SMYD2: variants seen among roughly 807,000 people sequenced by gnomAD.
The protein encoded by SMYD2 is N-lysine methyltransferase SMYD2.
In SMYD2, 53 loss-of-function variants were observed where a neutral mutation model predicts 59.1. That is an observed-to-expected ratio of 0.90 (90% CI 0.72 to 1.13). SMYD2 has a LOEUF of 1.13. Among genes scored for constraint, SMYD2 ranks in the 50% most tolerant of loss-of-function variants. SMYD2 has a pLI of 0.00. For missense variants in SMYD2, 494 were observed against 544.7 expected, an observed-to-expected ratio of 0.91 and a Z score of 0.93; for synonymous variants, 208 against 198.8, an observed-to-expected ratio of 1.05 and a Z score of -0.39.
At chr1:214,323,115 A>G (rs1030051400) in intron 5 of SMYD2, among the ~76,000 whole-genome samples, 1 of 152,084 alleles carries the variant, frequency 6.6e-6, no homozygotes, top group Non-Finnish European at 1.5e-5. Context: ...TTCCTCTCTG[A>G]CTTCAGTTTC....
rs758301716 is a variant in SMYD2, at chr1:214,318,163, C to T, written c.409+24C>T. On this transcript the variant is annotated intron_variant, in intron 4 of 11. Transcript: ENST00000366957. This position sits in a 1 kb window ranked among gnomAD's most constrained non-coding sequence, Gnocchi z 5.4. The stretch of plus-strand genomic sequence containing the variant: ...ACGTAAGTCTTTCTGTGACCAGCCG[C>T]GCAGTTCTCTCAGCCACAGATTTCA... The T allele has an allele frequency of 9.3e-6, 15 of 1,610,508 alleles. No individual in the cohort carries two copies. Among genetic ancestry groups the T allele is most frequent in the African/African-American group, 1.3e-5 (1 of 74,796 alleles).
chr1:214,311,935 G>A (rs1657004122), intron 2 of SMYD2, among the ~76,000 whole-genome samples: 1 of 152,034 alleles, frequency 6.6e-6, no homozygotes, highest in Non-Finnish European at 1.5e-5. Context: ...CAGCTGGTAG[G>A]TCCCCATATC....
At chr1:214,300,453 G>A (rs1468176505) in intron 1 of SMYD2, among the ~76,000 whole-genome samples, 1 of 152,066 alleles carries the variant, frequency 6.6e-6, no homozygotes, top group African/African-American at 2.4e-5. Context: ...GCTCTTCTGT[G>A]CGGATGTTCC....
At position 214,330,328 on chromosome 1, in the gene SMYD2, C is replaced by A. The variant is rs757071387; in HGVS notation, c.816+50C>A. On this transcript the variant is annotated intron_variant, in intron 8 of 11. Coordinates refer to ENST00000366957, the MANE Select transcript of SMYD2 (RefSeq NM_020197.3). ...CGCTGACTGCACTCTGATCTCAGGA[C>A]CTCTCTGCTGAAGAGCTTGTCTGAC... 6 of 1,278,412 alleles carry A rather than the reference C, an allele frequency of 4.7e-6. No individual in the cohort carries two copies. The African/African-American group carries it at 5.9e-5, about 13-fold the overall frequency. The allele number at this position is 1,278,412 out of a possible 1,614,324, so 79.2% of individuals were successfully genotyped here.
intron 1 of SMYD2, among the ~76,000 whole-genome samples, chr1:214,294,999 A>G (rs1222073795): frequency 6.6e-6 from 1 of 152,236 alleles, no homozygotes; most frequent in Non-Finnish European, 1.5e-5. Flanking sequence ...GGTATTCATT[A>G]CAAAGTACTA....
At position 214,318,709 on chromosome 1, in the gene SMYD2, G is replaced by A; in HGVS notation, c.410-150G>A. ...GTTTGTCAGTTAAACCAAGTAATGG[G>A]GAAGAATGTTCTCTGGGGGTTCAAC... On this transcript the variant is annotated intron_variant, in intron 4 of 11. Coordinates refer to ENST00000366957, the MANE Select transcript of SMYD2 (RefSeq NM_020197.3). This position sits in a 1 kb window ranked among gnomAD's most constrained non-coding sequence, Gnocchi z 5.4. 1 of 905,890 alleles carries A rather than the reference G, an allele frequency of 1.1e-6. No individual in the cohort carries two copies. Among genetic ancestry groups the A allele is most frequent in the East Asian group, 2.7e-5 (1 of 37,662 alleles). 56.1% of individuals were successfully genotyped at this position (905,890 alleles called of 1,614,324 possible).
At chr1:214,304,219 A>G (rs1656877996) in intron 1 of SMYD2, among the ~76,000 whole-genome samples, 1 of 152,216 alleles carries the variant, frequency 6.6e-6, no homozygotes, top group Admixed American at 6.5e-5. Context: ...TACACTGACA[A>G]AATGGGTATG....
chr1:214,293,825 C>T (rs1386019542), intron 1 of SMYD2, among the ~76,000 whole-genome samples: 6 of 152,008 alleles, frequency 3.9e-5, no homozygotes, highest in African/African-American at 1.5e-4. Flanking sequence ...TACAGGCACC[C>T]GCCACCACGC....
chr1:214,335,519 A>G (rs1657422373), intron 11 of SMYD2, among the ~76,000 whole-genome samples: 1 of 152,152 alleles, frequency 6.6e-6, no homozygotes. Context: ...CTAGGAGGAG[A>G]ATATATAATA....
chr1:214,311,961 A>T (rs537302166), intron 2 of SMYD2, among the ~76,000 whole-genome samples: 1 of 152,210 alleles, frequency 6.6e-6, no homozygotes, highest in African/African-American at 2.4e-5. Context: ...AGGTATCCCG[A>T]GGGTCATCTC....
intron 2 of SMYD2, among the ~76,000 whole-genome samples, chr1:214,305,720 G>C (rs946265970): frequency 2.0e-5 from 3 of 152,100 alleles, no homozygotes; most frequent in Non-Finnish European, 1.5e-5. Context: ...CCAGAGGGGG[G>C]GCTATTCTGA....
At chr1:214,331,170 T>C in intron 9 of SMYD2, 100 bp downstream of exon 9, 1 of 1,541,112 alleles carries the variant, frequency 6.5e-7, no homozygotes, top group Non-Finnish European at 8.8e-7. Flanking sequence ...TTTAAGATTC[T>C]GAAAACCAAA....
At chr1:214,335,046 G>T (rs984357960) in intron 11 of SMYD2, among the ~76,000 whole-genome samples, 1 of 152,232 alleles carries the variant, frequency 6.6e-6, no homozygotes, top group African/African-American at 2.4e-5. Flanking sequence ...ATCATCCTGA[G>T]TATTGATTCT....
At chr1:214,334,967 T>A (rs7512745) in intron 11 of SMYD2, among the ~76,000 whole-genome samples, 1 of 152,120 alleles carries the variant, frequency 6.6e-6, no homozygotes, top group Admixed American at 6.5e-5. Flanking sequence ...CATTCGCCTT[T>A]GGTTTGATGG....
At position 214,298,348 on chromosome 1, in the gene SMYD2, C is replaced by T. The variant is rs574855837; in HGVS notation, c.174-6839C>T. Among the ~76,000 whole-genome samples the T allele has an allele frequency of 2.6e-5, 4 of 152,306 alleles. No individual in the cohort carries two copies. The East Asian group carries it at 7.7e-4, about 29-fold the overall frequency. ...AATGGTGCTGGGATGACTGGCTAGC[C>T]ATATGCAGAAGAATGAAACTGGACC... On this transcript the variant is annotated intron_variant, in intron 1 of 11. Transcript: ENST00000366957.
At chr1:214,307,611 A>C (rs948809079) in intron 2 of SMYD2, among the ~76,000 whole-genome samples, 2 of 152,194 alleles carry the variant, frequency 1.3e-5, no homozygotes, top group Non-Finnish European at 2.9e-5. Context: ...ATGTGGAGTT[A>C]GCTCCGAGTC....
chr1:214,288,938 C>CT (rs10660642), intron 1 of SMYD2, among the ~76,000 whole-genome samples: 6,449 of 136,650 alleles, frequency 0.047, 631 homozygotes, highest in East Asian at 0.37. Flanking sequence ...AGCCCATAGT[C>CT]TTTTTTTTTT....
intron 2 of SMYD2, among the ~76,000 whole-genome samples, 165 bp from the exon 3 acceptor site, chr1:214,314,597 T>G (rs1456823162): frequency 6.6e-6 from 1 of 152,206 alleles, no homozygotes; most frequent in Non-Finnish European, 1.5e-5. Context: ...CCTGCCTATC[T>G]TAAAGGATGT....
intron 1 of SMYD2, among the ~76,000 whole-genome samples, chr1:214,282,177 A>G (rs1452205598): frequency 6.6e-6 from 1 of 152,254 alleles, no homozygotes; most frequent in Non-Finnish European, 1.5e-5. Context: ...ATACATTTGC[A>G]CACACCAACA....
Sources: allele counts gnomAD v4.1 joint callset (sites outside exome capture counted in the v4.1 genomes callset), GRCh38; gene constraint gnomAD v4.1.1; non-coding constraint Gnocchi (gnomAD v3.1); transcripts MANE v1.5; gene names NCBI Gene and HGNC (gene_info 2026-07-23, HGNC 2026-07-21).